Variants in KIR3DL1 observed in about 807,000 individuals in gnomAD.
The protein encoded by KIR3DL1 is killer cell immunoglobulin-like receptor 3DL1.
Under a neutral mutation model 40.3 loss-of-function variants are expected in KIR3DL1, and 50 were observed. That is an observed-to-expected ratio of 1.24 (90% CI 0.99 to 1.57). KIR3DL1 has a LOEUF of 1.57. Ranked by LOEUF, KIR3DL1 falls within the 40% of genes most tolerant of loss-of-function variation. The pLI, the probability that KIR3DL1 is intolerant of heterozygous loss-of-function variation, is 0.00. For missense variants in KIR3DL1, 661 were observed against 559.9 expected (o/e 1.18, Z -1.82); for synonymous variants, 257 against 207.2 (o/e 1.24, Z -2.07).
rs368676245 is a variant in KIR3DL1 at position 54,828,094 on chromosome 19, C to A, written c.1001-1267C>A. 6.6e-5 allele frequency among the ~76,000 whole-genome samples: 10 copies of A among 150,820 alleles called. 1 individual carries two copies. The East Asian group carries it at 7.7e-4, about 12-fold the overall frequency. ...GATAGTCGAGGGGGTGGTCCTTCCC[C>A]CAGCCTCTGAGGTAGAACAGCAGCC... On this transcript the variant is annotated intron_variant, in intron 6 of 8. Transcript: ENST00000391728.
chr19:54,829,995 G>T lies in KIR3DL1; in HGVS notation c.1158+15G>T. 6.5e-7 allele frequency: 1 copy of T among 1,528,960 alleles called. No homozygotes were observed. The highest frequency in any genetic ancestry group is 8.9e-7 in the Non-Finnish European group (1 of 1,125,414). 94.7% of individuals were successfully genotyped at this position (1,528,960 alleles called of 1,614,324 possible). A position where few individuals can be genotyped will look rare whatever the true frequency, so the allele number is the denominator to read the frequency against. On this transcript the variant is annotated intron_variant, in intron 8 of 8. Coordinates refer to ENST00000391728, the Ensembl canonical transcript of KIR3DL1. ...CCAACAGCGAGGTAGGTGCTCCTCG[G>T]CCCAGCCTCGTGGCTAGTGTTATTC...
rs1334500671 is a variant in KIR3DL1, at chr19:54,823,374, C to A, written c.949+1516C>A. Among the ~76,000 whole-genome samples, 3 of 151,274 alleles carry A rather than the reference C, an allele frequency of 2.0e-5. 1 individual carries two copies. Among genetic ancestry groups the A allele is most frequent in the African/African-American group, 7.3e-5 (3 of 40,938 alleles). On this transcript the variant is annotated intron_variant, in intron 5 of 8. Transcript: ENST00000391728. ...TTTAAAGAATTTCCATACTTTTCTCCATAATAGTTGTACTAATTTACATTC... is the reference window on the plus strand; with the variant it reads ...TTTAAAGAATTTCCATACTTTTCTCAATAATAGTTGTACTAATTTACATTC...
At chr19:54,828,791 G>C (rs1273771080) in intron 6 of KIR3DL1, among the ~76,000 whole-genome samples, 1 of 120,444 alleles carries the variant, frequency 8.3e-6, no homozygotes, top group Non-Finnish European at 1.9e-5. Flanking sequence ...GAAGAGATTG[G>C]TTTGCCTCAC....
rs2061408543 is a variant in KIR3DL1, at chr19:54,817,472, G to C, written c.35-62G>C. On this transcript the variant is annotated intron_variant, in intron 1 of 8. Transcript: ENST00000391728. The stretch of plus-strand genomic sequence containing the variant: ...GGCTGCCAAGACGCACAGCCCAGTG[G>C]GGGCAGCAGGGTGCCCTGGTTTGCC... 6 of 1,333,698 alleles carry C rather than the reference G, an allele frequency of 4.5e-6. No homozygotes were observed. The Admixed American group carries it at 5.2e-5, about 12-fold the overall frequency. 82.6% of individuals were successfully genotyped at this position (1,333,698 alleles called of 1,614,324 possible). A position where few individuals can be genotyped will look rare whatever the true frequency, so the allele number is the denominator to read the frequency against.
intron 2 of KIR3DL1, 70 bp downstream of exon 2, chr19:54,817,639 G>A: frequency 7.8e-7 from 1 of 1,284,606 alleles, no homozygotes; most frequent in East Asian, 2.8e-5. Context: ...TGGGAGGGAA[G>A]TCCTGTCGGG....
intron 5 of KIR3DL1, among the ~76,000 whole-genome samples, chr19:54,823,278 G>C (rs548213347): frequency 0.012 from 1,779 of 151,040 alleles, 105 homozygotes; most frequent in African/African-American, 0.041. Context: ...CTCAAGTGAG[G>C]TGCCTGCCTC....
At chr19:54,820,471 T>A in intron 4 of KIR3DL1, among the ~76,000 whole-genome samples, 1 of 151,540 alleles carries the variant, frequency 6.6e-6, no homozygotes, top group East Asian at 1.9e-4. Context: ...TTCTGACACC[T>A]CTGCCTTCCA....
intron 2 of KIR3DL1, 54 bp from the exon 3 acceptor site, chr19:54,818,261 G>A: frequency 1.3e-6 from 2 of 1,554,466 alleles, no homozygotes; most frequent in Non-Finnish European, 8.8e-7. Context: ...GGCACTGGGA[G>A]TGAGGGGCGG....
rs367580844 is a variant in KIR3DL1, at chr19:54,823,673, T to C, written c.950-1355T>C. On this transcript the variant is annotated intron_variant, in intron 5 of 8. Coordinates refer to ENST00000391728, the Ensembl canonical transcript of KIR3DL1. ...CCACCACGCCTAGCTAATTTTTGTA[T>C]GTTTAGTAGAGAGGGAGTTTCTCCA... is the stretch of plus-strand genomic sequence containing the variant. Among the ~76,000 whole-genome samples the C allele has an allele frequency of 3.3e-5, 5 of 151,326 alleles. No individual in the cohort carries two copies. In the East Asian group the frequency reaches 7.7e-4, roughly 23 times the overall value.
intron 5 of KIR3DL1, among the ~76,000 whole-genome samples, chr19:54,824,765 T>C (rs1191429295): frequency 2.0e-5 from 3 of 149,950 alleles, no homozygotes; most frequent in African/African-American, 7.4e-5. Flanking sequence ...CCTTTCTTTA[T>C]GCCAATGTCA....
At chr19:54,817,119 A>G (rs2061385165) in intron 1 of KIR3DL1, among the ~76,000 whole-genome samples, 1 of 142,650 alleles carries the variant, frequency 7.0e-6, no homozygotes, top group African/African-American at 2.7e-5. Context: ...TGGAAAGGAG[A>G]TATGGGCCTG....
Position 54,825,017 on chromosome 19 carries a change from C to T in KIR3DL1, c.950-11C>T, listed in dbSNP as rs781385069. On this transcript the variant is annotated splice_polypyrimidine_tract_variant and intron_variant, in intron 5 of 8. Transcript: ENST00000391728. Reference sequence around the variant, plus strand: ...CTCATTTCCTCACATCTCTCCTGTCCCATGTTCTAGGAAACCCTTCAAGTA... The same window carrying T: ...CTCATTTCCTCACATCTCTCCTGTCTCATGTTCTAGGAAACCCTTCAAGTA... 2.6e-5 allele frequency: 39 copies of T among 1,499,058 alleles called. 7 individuals are homozygous for T. Among genetic ancestry groups the T allele is most frequent in the African/African-American group, 5.7e-5 (4 of 70,420 alleles). 92.9% of individuals were successfully genotyped at this position (1,499,058 alleles called of 1,614,324 possible). A position where few individuals can be genotyped will look rare whatever the true frequency, so the allele number is the denominator to read the frequency against.
chr19:54,818,624 C>G, intron 3 of KIR3DL1, 25 bp downstream of exon 3: 2 of 1,597,440 alleles, frequency 1.3e-6, no homozygotes, highest in Non-Finnish European at 1.7e-6. Flanking sequence ...GTCTGGGCTT[C>G]TCACTGTCCC....
At chr19:54,828,889 AG>A (rs1399412030) in intron 6 of KIR3DL1, among the ~76,000 whole-genome samples, 2 of 141,238 alleles carry the variant, frequency 1.4e-5, no homozygotes, top group Non-Finnish European at 3.1e-5. Flanking sequence ...GAAGGGAAGG[AG>A]GGTCTGTCTG....
rs965858181 is a variant in KIR3DL1, at chr19:54,829,824, G to A, written c.1106-104G>A. 6.2e-6 allele frequency: 7 copies of A among 1,124,088 alleles called. No individual in the cohort carries two copies. In the African/African-American group the frequency reaches 9.2e-5, roughly 15 times the overall value. The allele number at this position is 1,124,088 out of a possible 1,614,324, so 69.6% of individuals were successfully genotyped here. On this transcript the variant is annotated intron_variant, in intron 7 of 8. Coordinates refer to ENST00000391728, the Ensembl canonical transcript of KIR3DL1. The stretch of plus-strand genomic sequence containing the variant: ...CTGAGTCTGCTGTTGGCAACTGAGG[G>A]ACCTCAGGCACCTATGGCCTCCCCC...
At chr19:54,817,667 G>A (rs2061419899) in intron 2 of KIR3DL1, 98 bp downstream of exon 2, 2 of 968,348 alleles carry the variant, frequency 2.1e-6, no homozygotes, top group South Asian at 1.5e-5. Context: ...TCATACACTA[G>A]GAAGAGGGGA....
intron 8 of KIR3DL1, 33 bp from the exon 9 acceptor site, chr19:54,830,066 T>A (rs565631376): frequency 6.6e-7 from 1 of 1,519,982 alleles, no homozygotes; most frequent in African/African-American, 1.4e-5. Flanking sequence ...ACTCAGCATT[T>A]CCCTCCCTCA....
chr19:54,822,862 G>T lies in KIR3DL1; in HGVS notation c.949+1004G>T, dbSNP rs796575699. 2.1e-5 allele frequency among the ~76,000 whole-genome samples: 3 copies of T among 140,182 alleles called. 1 individual carries two copies. The highest frequency in any genetic ancestry group is 8.0e-5 in the African/African-American group (3 of 37,682). 92.0% of individuals were successfully genotyped at this position (140,182 alleles called of 152,430 possible). ...GTCTCCACTGTGTGTGTGTACCACA[G>T]TTCTCTATCCATTCACCCACTGATG... On this transcript the variant is annotated intron_variant, in intron 5 of 8. Transcript: ENST00000391728.
At chr19:54,830,411 C>G in exon 9 of KIR3DL1, 2 of 1,061,612 alleles carry the variant, frequency 1.9e-6, no homozygotes, top group East Asian at 2.5e-5. Context: ...CTCCTCCTCA[C>G]GCCACAAATC....
Sources: allele counts gnomAD v4.1 joint callset (sites outside exome capture counted in the v4.1 genomes callset), GRCh38; gene constraint gnomAD v4.1.1; transcripts MANE v1.5; gene names NCBI Gene and HGNC (gene_info 2026-07-23, HGNC 2026-07-21).